The following MCTP1 variants were observed in gnomAD, a reference collection of about 807,000 sequenced individuals.
The protein encoded by MCTP1 is multiple C2 and transmembrane domain containing 1.
A neutral mutation model predicts 120.6 loss-of-function variants in MCTP1; 69 were observed. The ratio of observed to expected loss-of-function variants is 0.57; its 90% CI spans 0.47 to 0.70. The LOEUF (loss-of-function observed/expected upper bound fraction) is 0.70. Ranked by LOEUF, MCTP1 falls within the 30% of genes least tolerant of loss-of-function variation. The probability of loss-of-function intolerance (pLI) is 0.00; values close to 1 mark genes in which losing one functional copy is unlikely to be tolerated. For synonymous variants in MCTP1, 529 were observed against 493.1 expected (o/e 1.07, Z -0.96); for missense variants, 1,203 against 1,248.8 (o/e 0.96, Z 0.55).
chr5:94,905,798 A>G (rs1297430325), intron 10 of MCTP1, among the ~76,000 whole-genome samples: 1 of 152,190 alleles, frequency 6.6e-6, no homozygotes, highest in Non-Finnish European at 1.5e-5. Flanking sequence ...TGGAATGCAG[A>G]GAAGAGTTAT....
chr5:95,284,508 C>A lies in MCTP1; in HGVS notation c.68G>T (p.Arg23Leu). Residue 23 changes from arginine (R) to leucine (L), a missense_variant, in exon 1 of 23, where the codon CGG (arginine) becomes CTG (leucine). Around this residue, in one of 2 missense-constraint regions of MCTP1, gnomAD observed 463 missense variants for 377.8 expected, o/e 1.23. Transcript: ENST00000515393. The surrounding 1 kb of genome is among the most constrained non-coding windows in gnomAD (Gnocchi z 5.2). ...PPAASSSFQA[R>L]LWKNLQLGVG... ...CCCCAGCTGCAGGTTCTTCCAGAGC[C>A]GGGCCTGGAAGGAGGAGGACGCCGC... 6.6e-7 allele frequency: 1 copy of A among 1,508,362 alleles called. No homozygotes were observed. The highest frequency in any genetic ancestry group is 8.8e-7 in the Non-Finnish European group (1 of 1,136,912). 93.4% of individuals were successfully genotyped at this position (1,508,362 alleles called of 1,614,324 possible). A position where few individuals can be genotyped will look rare whatever the true frequency, so the allele number is the denominator to read the frequency against.
rs775693281 is a variant in MCTP1 at position 94,707,532 on chromosome 5, A to G, written c.2964T>C (p.His988=). 4 of 1,611,988 alleles carry G rather than the reference A, an allele frequency of 2.5e-6. No homozygotes were observed. The highest frequency in any genetic ancestry group is 3.4e-6 in the Non-Finnish European group (4 of 1,178,592). ...TGTTTTTCTTTCTTTTATATGGGCTATGAGAAGGATCTGGTTTCAGTTCTT... is the reference window on the plus strand; with the variant it reads ...TGTTTTTCTTTCTTTTATATGGGCTGTGAGAAGGATCTGGTTTCAGTTCTT... The part of the protein sequence containing the change: ...QYQELKPDPS[H]SPYKRKKNNL... The change falls in exon 23 of 23, where the codon CAT becomes CAC. Residue 988 remains histidine, a synonymous_variant. Coordinates refer to ENST00000515393, the MANE Select transcript of MCTP1 (RefSeq NM_024717.7).
chr5:95,261,383 T>C (rs557480381), intron 1 of MCTP1, among the ~76,000 whole-genome samples: 22 of 152,188 alleles, frequency 1.4e-4, no homozygotes, highest in Non-Finnish European at 3.1e-4. Flanking sequence ...ATTCTGTAGC[T>C]GAAAAAAAAG....
chr5:95,148,588 T>C (rs1482662862), intron 1 of MCTP1, among the ~76,000 whole-genome samples: 2 of 152,228 alleles, frequency 1.3e-5, no homozygotes, highest in Non-Finnish European at 2.9e-5. Context: ...TTTTCAGCTC[T>C]TGGATCATTT....
intron 1 of MCTP1, among the ~76,000 whole-genome samples, chr5:95,123,591 T>C (rs930170041): frequency 6.6e-6 from 1 of 152,216 alleles, no homozygotes; most frequent in African/African-American, 2.4e-5. Context: ...GAATTTATCA[T>C]TCAGCACAAG....
At chr5:95,188,050 T>G (rs2152526770) in intron 1 of MCTP1, among the ~76,000 whole-genome samples, 1 of 152,142 alleles carries the variant, frequency 6.6e-6, no homozygotes, top group Admixed American at 6.5e-5. Context: ...AAAAGAATTC[T>G]CATAACTCAA....
At chr5:95,270,933 A>AAAAG (rs1759337965) in intron 1 of MCTP1, among the ~76,000 whole-genome samples, 1 of 151,596 alleles carries the variant, frequency 6.6e-6, no homozygotes, top group Admixed American at 6.6e-5. Context: ...CTCTCTCTCA[A>AAAAG]AAAAAAAATG....
chr5:94,847,646 C>CTGTGTGTGTGTG (rs70978134), intron 17 of MCTP1, among the ~76,000 whole-genome samples: 13 of 115,688 alleles, frequency 1.1e-4, no homozygotes, highest in Admixed American at 6.3e-4. Flanking sequence ...AAGCAGCAAT[C>CTGTGTGTGTGTG]TGTGTGTGTG....
intron 1 of MCTP1, among the ~76,000 whole-genome samples, chr5:95,212,036 T>C (rs867298654): frequency 6.6e-5 from 10 of 151,972 alleles, no homozygotes; most frequent in Non-Finnish European, 2.9e-5. Context: ...CTGAAGGAGA[T>C]AGAGACACAA....
chr5:94,809,353 AAATGT>A (rs759622989), intron 17 of MCTP1, among the ~76,000 whole-genome samples: 5 of 152,112 alleles, frequency 3.3e-5, no homozygotes, highest in Non-Finnish European at 5.9e-5. Flanking sequence ...GACAACTCCA[AAATGT>A]AAAGCCCAGA....
intron 11 of MCTP1, among the ~76,000 whole-genome samples, chr5:94,892,096 C>T (rs1309169023): frequency 2.0e-5 from 3 of 152,110 alleles, no homozygotes; most frequent in Non-Finnish European, 4.4e-5. Flanking sequence ...AGAGGCAATA[C>T]CCCATCCTAT....
At chr5:94,782,141 G>A (rs573762133) in intron 18 of MCTP1, among the ~76,000 whole-genome samples, 4 of 152,014 alleles carry the variant, frequency 2.6e-5, no homozygotes, top group South Asian at 2.1e-4. Flanking sequence ...GCATAAGAGC[G>A]CTTAATACAG....
chr5:95,009,662 C>T (rs1426088), intron 2 of MCTP1, among the ~76,000 whole-genome samples: 135,252 of 151,938 alleles, frequency 0.89, 61,540 homozygotes, highest in East Asian at 1. Context: ...TATTTTTATT[C>T]GCTAAATCTG....
At chr5:95,074,993 G>C (rs1753193967) in intron 1 of MCTP1, among the ~76,000 whole-genome samples, 1 of 152,208 alleles carries the variant, frequency 6.6e-6, no homozygotes, top group Non-Finnish European at 1.5e-5. Context: ...TTTTGGAAAA[G>C]TCATTTAATT....
intron 1 of MCTP1, among the ~76,000 whole-genome samples, chr5:95,277,223 G>A (rs111822229): frequency 0.01 from 1,537 of 152,240 alleles, 16 homozygotes; most frequent in African/African-American, 0.035. Context: ...CCCTGACCCG[G>A]AGACCTCAGA....
intron 2 of MCTP1, among the ~76,000 whole-genome samples, chr5:94,994,309 T>A (rs963598620): frequency 4.6e-5 from 7 of 152,184 alleles, no homozygotes; most frequent in African/African-American, 1.7e-4. Flanking sequence ...TTCACGGGTA[T>A]CTAGAGAGTG....
At chr5:95,079,539 C>T (rs555242084) in intron 1 of MCTP1, among the ~76,000 whole-genome samples, 1 of 152,072 alleles carries the variant, frequency 6.6e-6, no homozygotes, top group Non-Finnish European at 1.5e-5. Flanking sequence ...TGTTTACCTT[C>T]ATCTCTTAAT....
rs924479577 is a variant in MCTP1, at chr5:95,078,827, A to AAAT, written c.721-61346_721-61344dup. 7.2e-5 allele frequency among the ~76,000 whole-genome samples: 11 copies of AAAT among 151,932 alleles called. No homozygotes were observed. The East Asian group carries it at 9.6e-4, about 13-fold the overall frequency. On this transcript the variant is annotated intron_variant, in intron 1 of 22. Transcript: ENST00000515393. ...CTTCAGTGTCTCCATCATAAAAAGG[A>AAAT]AATAATAATAATAATAATAGAACCC...
intron 10 of MCTP1, among the ~76,000 whole-genome samples, chr5:94,905,161 TC>T (rs1806495603): frequency 6.6e-6 from 1 of 151,892 alleles, no homozygotes; most frequent in South Asian, 2.1e-4. Context: ...GAGGGAAAGG[TC>T]CTGAGGTGGG....
Sources: allele counts gnomAD v4.1 joint callset (sites outside exome capture counted in the v4.1 genomes callset), GRCh38; gene constraint gnomAD v4.1.1; regional missense constraint gnomAD v4.1.1; non-coding constraint Gnocchi (gnomAD v3.1); transcripts MANE v1.5; gene names NCBI Gene and HGNC (gene_info 2026-07-23, HGNC 2026-07-21).